The following IL1RAPL1 variants were observed in gnomAD, a reference collection of about 807,000 sequenced individuals.
IL1RAPL1 encodes interleukin-1 receptor accessory protein-like 1.
In IL1RAPL1, 3 loss-of-function variants were observed where a neutral mutation model predicts 48.4. That is an observed-to-expected ratio of 0.06 (90% CI 0.03 to 0.16). The LOEUF (loss-of-function observed/expected upper bound fraction) is 0.16, where lower values mean the gene tolerates loss of function less well. IL1RAPL1 is among the 10% of genes least tolerant of loss of function. The pLI is 1.00. For synonymous variants in IL1RAPL1, 185 were observed against 187.7 expected (o/e 0.99, Z 0.12); for missense variants, 349 against 530.6 (o/e 0.66, Z 3.36).
chrX:29,696,301 C>G (rs963555227), intron 6 of IL1RAPL1, among the ~76,000 whole-genome samples: 1 of 111,414 alleles, frequency 9.0e-6, no homozygotes, highest in African/African-American at 3.3e-5. Context: ...CTAGTATAAT[C>G]CCCTCAACTT....
intron 3 of IL1RAPL1, among the ~76,000 whole-genome samples, chrX:29,333,587 C>G (rs1455901802): frequency 3.1e-5 from 3 of 95,689 alleles, no homozygotes; most frequent in African/African-American, 1.2e-4. Context: ...GGGGGCTGAC[C>G]CCCCCACCTC....
chrX:28,852,677 A>G (rs1037196745), intron 2 of IL1RAPL1, among the ~76,000 whole-genome samples: 1 of 111,619 alleles, frequency 9.0e-6, no homozygotes, highest in Non-Finnish European at 1.9e-5. Flanking sequence ...GATATTCTGC[A>G]TGAGGTCTCT....
At chrX:29,437,468 CA>C (rs1726796506) in intron 5 of IL1RAPL1, among the ~76,000 whole-genome samples, 1 of 110,591 alleles carries the variant, frequency 9.0e-6, no homozygotes, top group African/African-American at 3.3e-5. Context: ...TGAGAACAGA[CA>C]TTTTTTTGTC....
intron 1 of IL1RAPL1, among the ~76,000 whole-genome samples, chrX:28,607,899 G>A (rs1254877166): frequency 1.8e-5 from 2 of 111,192 alleles, no homozygotes; most frequent in Non-Finnish European, 3.8e-5. Flanking sequence ...TACAGAAACT[G>A]AGGGTATCTG....
chrX:29,217,605 T>C (rs1930895286), intron 2 of IL1RAPL1, among the ~76,000 whole-genome samples: 2 of 111,923 alleles, frequency 1.8e-5, no homozygotes, highest in South Asian at 7.3e-4. Flanking sequence ...TAATCTGCCT[T>C]CCATGGATTT....
intron 6 of IL1RAPL1, among the ~76,000 whole-genome samples, chrX:29,766,341 A>AT (rs1569163175): frequency 8.4e-4 from 62 of 73,947 alleles, no homozygotes; most frequent in Non-Finnish European, 1.1e-3. Flanking sequence ...AAAAAAAAAA[A>AT]AATATATATA....
intron 2 of IL1RAPL1, among the ~76,000 whole-genome samples, chrX:28,809,696 G>T (rs1194327157): frequency 9.1e-6 from 1 of 110,290 alleles, no homozygotes; most frequent in Non-Finnish European, 1.9e-5. Flanking sequence ...TTAGGTCATG[G>T]TTTAGAGTAT....
intron 2 of IL1RAPL1, among the ~76,000 whole-genome samples, chrX:29,151,843 T>C (rs907849702): frequency 9.0e-6 from 1 of 111,004 alleles, no homozygotes; most frequent in African/African-American, 3.3e-5. Flanking sequence ...AGGACTTAGA[T>C]ATGAAAGTTG....
chrX:29,042,901 C>T (rs914934421), intron 2 of IL1RAPL1, among the ~76,000 whole-genome samples: 1 of 111,844 alleles, frequency 8.9e-6, no homozygotes, highest in Non-Finnish European at 1.9e-5. Context: ...GGACTTTCTA[C>T]GAAAATGTAG....
At chrX:29,682,088 TAAAAA>T (rs1926470191) in intron 6 of IL1RAPL1, among the ~76,000 whole-genome samples, 2 of 111,932 alleles carry the variant, frequency 1.8e-5, no homozygotes, top group South Asian at 7.4e-4. Flanking sequence ...TGCGTATTAA[TAAAAA>T]GGAAAAACAT....
rs1224260737 is a variant in IL1RAPL1 at position 29,595,243 on chromosome X, G to A, written c.704-73187G>A. 2.7e-5 allele frequency among the ~76,000 whole-genome samples: 3 copies of A among 111,622 alleles called. No homozygotes were observed. The East Asian group carries it at 8.4e-4, about 31-fold the overall frequency. ...TTGTATAATGACTTCTTTTCCTCTG[G>A]GTAGATACCTAGTAGTGGGATTGCT... On this transcript the variant is annotated intron_variant, in intron 5 of 10. Transcript: ENST00000378993.
intron 2 of IL1RAPL1, among the ~76,000 whole-genome samples, chrX:29,034,322 T>A (rs1386750589): frequency 1.8e-5 from 2 of 112,374 alleles, no homozygotes; most frequent in Admixed American, 1.9e-4. Flanking sequence ...ATATTTGATA[T>A]TTTTCAGACA....
At chrX:29,075,136 T>C (rs1927642661) in intron 2 of IL1RAPL1, among the ~76,000 whole-genome samples, 1 of 111,951 alleles carries the variant, frequency 8.9e-6, no homozygotes, top group South Asian at 3.7e-4. Context: ...GACGTCTTTG[T>C]TCTTTCTAGC....
chrX:29,384,751 G>A (rs945630650), intron 3 of IL1RAPL1, among the ~76,000 whole-genome samples: 2 of 112,089 alleles, frequency 1.8e-5, no homozygotes, highest in Non-Finnish European at 3.8e-5. Context: ...GGATGGTGTA[G>A]TATATGTCAC....
At chrX:29,920,840 G>GAA (rs796830604) in intron 8 of IL1RAPL1, among the ~76,000 whole-genome samples, 228 of 74,823 alleles carry the variant, frequency 3.0e-3, no homozygotes, top group Admixed American at 4.9e-3. Context: ...AAAGAAAAGA[G>GAA]AAAAAAAAAA....
intron 2 of IL1RAPL1, among the ~76,000 whole-genome samples, chrX:29,073,485 A>G (rs1927608494): frequency 9.0e-6 from 1 of 111,595 alleles, no homozygotes; most frequent in African/African-American, 3.3e-5. Context: ...TTTATCTATT[A>G]TTCTTTTTCA....
chrX:29,470,045 C>T (rs1207740106), intron 5 of IL1RAPL1, among the ~76,000 whole-genome samples: 1 of 112,027 alleles, frequency 8.9e-6, no homozygotes, highest in Non-Finnish European at 1.9e-5. Context: ...ACTGTAGTAC[C>T]ATCGAAGTTT....
chrX:29,686,833 C>A (rs1332637293), intron 6 of IL1RAPL1, among the ~76,000 whole-genome samples: 1 of 110,674 alleles, frequency 9.0e-6, no homozygotes, highest in East Asian at 2.8e-4. Flanking sequence ...GCTGGGATCA[C>A]AGGCATGAGC....
chrX:29,915,600 T>G (rs371827259), intron 6 of IL1RAPL1, among the ~76,000 whole-genome samples: 140 of 110,390 alleles, frequency 1.3e-3, no homozygotes, highest in African/African-American at 4.3e-3. Flanking sequence ...TAAGCAAAAT[T>G]TCAAGAAATA....
Sources: allele counts gnomAD v4.1 joint callset (sites outside exome capture counted in the v4.1 genomes callset), GRCh38; gene constraint gnomAD v4.1.1; transcripts MANE v1.5; gene names NCBI Gene and HGNC (gene_info 2026-07-23, HGNC 2026-07-21).